Variants in ADAMTS13 observed in about 807,000 individuals in gnomAD.
The protein encoded by ADAMTS13 is A disintegrin and metalloproteinase with thrombospondin motifs 13.
Under a neutral mutation model 155.1 loss-of-function variants are expected in ADAMTS13, and 110 were observed. That is an observed-to-expected ratio of 0.71 (90% CI 0.61 to 0.83). ADAMTS13 has a LOEUF of 0.83. ADAMTS13 is among the 40% of genes least tolerant of loss of function. The pLI, the probability that ADAMTS13 is intolerant of heterozygous loss-of-function variation, is 0.00. For synonymous variants in ADAMTS13, 758 were observed against 756.4 expected (o/e 1.00, Z -0.03); for missense variants, 1,707 against 1,891.7 (o/e 0.90, Z 1.81).
chr9:133,457,327 CAG>C (rs1244968242), intron 27 of ADAMTS13, among the ~76,000 whole-genome samples: 3 of 152,232 alleles, frequency 2.0e-5, no homozygotes, highest in African/African-American at 7.2e-5. Context: ...TTAGTGGCAA[CAG>C]GGGCTTAGCC....
chr9:133,433,269 CTG>C (rs1313953169), intron 9 of ADAMTS13, 107 bp from the exon 10 acceptor site: 1 of 1,490,972 alleles, frequency 6.7e-7, no homozygotes, highest in East Asian at 2.3e-5. Context: ...GGTGGGGTCC[CTG>C]TGTGTGTTGG....
intron 23 of ADAMTS13, among the ~76,000 whole-genome samples, chr9:133,451,781 C>T: frequency 6.6e-6 from 1 of 151,588 alleles, no homozygotes; most frequent in Admixed American, 6.6e-5. Flanking sequence ...TCCCCAGCTA[C>T]TCGGGAGGCT....
rs781864642 is a variant in ADAMTS13 at position 133,424,454 on chromosome 9, C to T, written c.306C>T (p.Arg102=). ...AGGCTCACCAGGAGGACACAGAGCG[C>T]TATGTGCTCACCAACCTCAACATCG... ...VFQAHQEDTE[R]YVLTNLNIGA... is the part of the protein sequence containing the mutation. The change falls in exon 3 of 29, where the codon CGC becomes CGT. Residue 102 remains arginine (R), a synonymous_variant. Transcript: ENST00000355699. This position sits in a 1 kb window ranked among gnomAD's most constrained non-coding sequence, Gnocchi z 4.3. 6.2e-7 allele frequency: 1 copy of T among 1,613,878 alleles called. No individual in the cohort carries two copies. Among genetic ancestry groups the T allele is most frequent in the East Asian group, 2.2e-5 (1 of 44,880 alleles).
intron 1 of ADAMTS13, chr9:133,414,694 A>T (rs781812502): frequency 6.2e-7 from 1 of 1,613,880 alleles, no homozygotes; most frequent in African/African-American, 1.3e-5. Context: ...CTGCCTCCTT[A>T]GCTTTCCGCT....
At chr9:133,448,891 T>G (rs1341300366) in intron 22 of ADAMTS13, among the ~76,000 whole-genome samples, 163 bp downstream of exon 22, 3 of 152,204 alleles carry the variant, frequency 2.0e-5, no homozygotes, top group Non-Finnish European at 4.4e-5. Flanking sequence ...TCACTCCAAG[T>G]GCAGGCCAGA....
At chr9:133,431,366 A>T (rs1840752497) in intron 8 of ADAMTS13, among the ~76,000 whole-genome samples, 1 of 146,476 alleles carries the variant, frequency 6.8e-6, no homozygotes, top group Admixed American at 6.9e-5. Context: ...TCACTCTGTC[A>T]CCCAGGCTGG....
Position 133,433,400 on chromosome 9 carries a change from G to C in ADAMTS13, c.1115G>C (p.Arg372Pro). ...VEKWCSKGRCRSLVELTPIAA... is the reference protein window; with the variant it reads ...VEKWCSKGRCPSLVELTPIAA... Reference sequence around the variant, plus strand: ...CAGTGGTGCTCCAAGGGTCGCTGCCGCTCCCTGGTGGAGCTGACCCCCATA... The same window carrying C: ...CAGTGGTGCTCCAAGGGTCGCTGCCCCTCCCTGGTGGAGCTGACCCCCATA... The change falls in exon 10 of 29, where the codon CGC (arginine) becomes CCC (proline). Residue 372 changes from arginine to proline, a missense_variant. Physicochemically the swap from Arg to Pro is moderately radical, Grantham distance 103. This residue lies in a region of ADAMTS13 where 733 missense variants were observed against 749.6 expected (regional missense o/e 0.98). Transcript: ENST00000355699. The C allele has an allele frequency of 6.2e-7, 1 of 1,612,966 alleles. No homozygotes were observed. The highest frequency in any genetic ancestry group is 8.5e-7 in the Non-Finnish European group (1 of 1,179,926).
upstream of ADAMTS13, chr9:133,414,350 A>T (rs975937198): frequency 3.0e-5 from 17 of 566,618 alleles, no homozygotes; most frequent in Non-Finnish European, 5.7e-5. Flanking sequence ...AACTTGCCCC[A>T]AACCACCCAA....
upstream of ADAMTS13, chr9:133,418,122 CTTGGG>C: frequency 2.1e-6 from 1 of 485,816 alleles, no homozygotes; most frequent in Non-Finnish European, 3.6e-6. Context: ...CCGCACGGGA[CTTGGG>C]CCGCCGCCTT....
At chr9:133,457,058 G>T in intron 27 of ADAMTS13, 1 of 426,552 alleles carries the variant, frequency 2.3e-6, no homozygotes, top group South Asian at 2.0e-5. Context: ...GGGTTTTGTG[G>T]AAGCCACTGT....
intron 7 of ADAMTS13, among the ~76,000 whole-genome samples, chr9:133,429,355 C>T (rs1294836434): frequency 6.9e-6 from 1 of 145,914 alleles, no homozygotes; most frequent in African/African-American, 2.6e-5. Flanking sequence ...TGGGCACGCA[C>T]CCCTCCGTCC....
rs2130967247 is a variant in ADAMTS13, at chr9:133,459,354, C to T, written c.*174C>T. 1.4e-6 allele frequency: 1 copy of T among 733,574 alleles called. No homozygotes were observed. Among genetic ancestry groups the T allele is most frequent in the South Asian group, 1.5e-5 (1 of 67,370 alleles). 45.4% of individuals were successfully genotyped at this position (733,574 alleles called of 1,614,324 possible). ...ACTCTGGAAAAGCAGCCCCCATTTCCTCGGGTACCAATAAATAAAACATGC... is the reference window on the plus strand; with the variant it reads ...ACTCTGGAAAAGCAGCCCCCATTTCTTCGGGTACCAATAAATAAAACATGC... On this transcript the variant is annotated 3_prime_UTR_variant, in exon 29 of 29. Coordinates refer to ENST00000355699, the MANE Select transcript of ADAMTS13 (RefSeq NM_139027.6).
chr9:133,446,551 C>T (rs587682915), intron 21 of ADAMTS13, among the ~76,000 whole-genome samples: 49 of 152,322 alleles, frequency 3.2e-4, no homozygotes, highest in South Asian at 1.0e-3. Context: ...TGAGTGTATC[C>T]TTTACAGGTT....
rs1489543873 is a variant in ADAMTS13, at chr9:133,440,645, A to G, written c.1968+120A>G. On this transcript the variant is annotated intron_variant, in intron 16 of 28. Transcript: ENST00000355699. The surrounding 1 kb of genome is among the most constrained non-coding windows in gnomAD (Gnocchi z 4.3). ...TCATTTATTCATTCAGCGGTCACTT[A>G]CAGGGGACCCACTATGTGTTGGGCC... 1.6e-6 allele frequency: 2 copies of G among 1,235,414 alleles called. No homozygotes were observed. The highest frequency in any genetic ancestry group is 2.5e-5 in the Admixed American group (1 of 40,384). The allele number at this position is 1,235,414 out of a possible 1,614,324, so 76.5% of individuals were successfully genotyped here.
intron 23 of ADAMTS13, among the ~76,000 whole-genome samples, chr9:133,452,473 C>T (rs587682613): frequency 6.6e-6 from 1 of 152,136 alleles, no homozygotes; most frequent in Non-Finnish European, 1.5e-5. Flanking sequence ...GTCCTGATTT[C>T]TTTGCCTATG....
In ADAMTS13 at chr9:133,443,751, C is replaced by T. The variant is rs186954413; in HGVS notation, c.2420+190C>T. ...CAGAGTTCCTTACTACCCAGGAGAG[C>T]CTGGGCCCATTGTTTCCCTCTCTGA... On this transcript the variant is annotated intron_variant, in intron 19 of 28. Transcript: ENST00000355699. Among the ~76,000 whole-genome samples, 377 of 152,266 alleles carry T rather than the reference C, an allele frequency of 2.5e-3. 3 individuals are homozygous for T. Among genetic ancestry groups the T allele is most frequent in the East Asian group, 9.5e-3 (49 of 5,180 alleles).
Position 133,445,018 on chromosome 9 carries a change from G to C in ADAMTS13, c.2576G>C (p.Cys859Ser). The part of the protein sequence containing the change: ...VDEKLPAPEP[C>S]VGMSCPPGWG... ...GAGAAGCTGCCTGCCCCTGAGCCCT[G>C]TGTCGGGATGTCATGTCCTCCAGGC... is the stretch of plus-strand genomic sequence containing the variant. Residue 859 changes from cysteine (C) to serine (S), a missense_variant, in exon 20 of 29, where the codon TGT (cysteine) becomes TCT (serine). Transcript: ENST00000355699. The surrounding 1 kb of genome is among the most constrained non-coding windows in gnomAD (Gnocchi z 5.0). 1 of 1,613,466 alleles carries C rather than the reference G, an allele frequency of 6.2e-7. No individual in the cohort carries two copies. Among genetic ancestry groups the C allele is most frequent in the Non-Finnish European group, 8.5e-7 (1 of 1,180,020 alleles).
Position 133,428,746 on chromosome 9 carries a change from C to A in ADAMTS13, c.799C>A (p.Arg267Ser). ...RAGLAWSPCS[R>S]RQLLSLLSAG... ...CGGCCTCGCCTGGTCCCCCTGCAGCCGCCGGCAGCTGCTGAGCCTGCTCAG... is the reference window on the plus strand; with the variant it reads ...CGGCCTCGCCTGGTCCCCCTGCAGCAGCCGGCAGCTGCTGAGCCTGCTCAG... The change falls in exon 7 of 29, where the codon CGC becomes AGC. Residue 267 changes from arginine (R) to serine (S), a missense_variant. By Grantham distance (110) the Arg-to-Ser change is moderately radical. Around this residue, in one of 3 missense-constraint regions of ADAMTS13, gnomAD observed 733 missense variants for 749.6 expected, o/e 0.98. Coordinates refer to ENST00000355699, the MANE Select transcript of ADAMTS13 (RefSeq NM_139027.6). 3 of 1,357,914 alleles carry A rather than the reference C, an allele frequency of 2.2e-6. No individual in the cohort carries two copies. Among genetic ancestry groups the A allele is most frequent in the Non-Finnish European group, 2.9e-6 (3 of 1,051,844 alleles). 84.1% of individuals were successfully genotyped at this position (1,357,914 alleles called of 1,614,324 possible).
chr9:133,441,697 C>G lies in ADAMTS13; in HGVS notation c.1969-702C>G, dbSNP rs587698063. On this transcript the variant is annotated intron_variant, in intron 16 of 28. Coordinates refer to ENST00000355699, the MANE Select transcript of ADAMTS13 (RefSeq NM_139027.6). This position sits in a 1 kb window ranked among gnomAD's most constrained non-coding sequence, Gnocchi z 5.0. ...TGCTGAAGTTCTTCCTAGTGCTCTCCGGGCCAGTCCCAAGCCAGTAGCTGG... is the reference window on the plus strand; with the variant it reads ...TGCTGAAGTTCTTCCTAGTGCTCTCGGGGCCAGTCCCAAGCCAGTAGCTGG... Among the ~76,000 whole-genome samples the G allele has an allele frequency of 6.6e-6, 1 of 152,310 alleles. No individual in the cohort carries two copies. Among genetic ancestry groups the G allele is most frequent in the African/African-American group, 2.4e-5 (1 of 41,560 alleles).
Sources: gnomAD v4.1 joint callset for allele counts (sites outside exome capture counted in the v4.1 genomes callset) on GRCh38, gnomAD v4.1.1 for gene constraint, gnomAD v4.1.1 regional missense constraint, Gnocchi (gnomAD v3.1) non-coding constraint, MANE v1.5 for transcripts, NCBI Gene and HGNC (gene_info 2026-07-23, HGNC 2026-07-21) for gene names.